Variants in PCMTD1 observed in about 807,000 individuals in gnomAD.
PCMTD1 encodes protein-L-isoaspartate O-methyltransferase domain-containing protein 1.
In PCMTD1, 12 loss-of-function variants were observed where a neutral mutation model predicts 37.6. The ratio of observed to expected loss-of-function variants is 0.32; its 90% CI spans 0.20 to 0.52. The LOEUF (loss-of-function observed/expected upper bound fraction) is 0.52. PCMTD1 is among the 20% of genes least tolerant of loss of function. PCMTD1 has a pLI of 0.97. For synonymous variants in PCMTD1, 117 were observed against 135.8 expected, an observed-to-expected ratio of 0.86 and a Z score of 0.96; for missense variants, 235 against 421.3, an observed-to-expected ratio of 0.56 and a Z score of 3.87.
chr8:51,822,491 C>T (rs2037862901), intron 5 of PCMTD1, among the ~76,000 whole-genome samples: 1 of 152,152 alleles, frequency 6.6e-6, no homozygotes, highest in Non-Finnish European at 1.5e-5. Context: ...TTAAAGTGTA[C>T]TTACTTTGTG....
chr8:51,871,563 T>C (rs866422141), intron 1 of PCMTD1, among the ~76,000 whole-genome samples: 12 of 152,218 alleles, frequency 7.9e-5, no homozygotes, highest in African/African-American at 2.9e-4. Context: ...ATTTGTTACA[T>C]AATTTAGCAA....
chr8:51,898,838 G>A (rs2039051807), intron 1 of PCMTD1, 92 bp downstream of exon 1: 1 of 1,178,354 alleles, frequency 8.5e-7, no homozygotes, highest in Non-Finnish European at 1.1e-6. Flanking sequence ...CTGGCCCTCT[G>A]GCCTCCAAGC....
intron 1 of PCMTD1, among the ~76,000 whole-genome samples, chr8:51,877,613 G>A (rs2038731556): frequency 6.6e-6 from 1 of 152,080 alleles, no homozygotes; most frequent in African/African-American, 2.4e-5. Flanking sequence ...CTAATTACAT[G>A]GGGAGGAAAG....
intron 1 of PCMTD1, among the ~76,000 whole-genome samples, chr8:51,894,099 G>C (rs558154948): frequency 1.3e-5 from 2 of 152,096 alleles, no homozygotes; most frequent in African/African-American, 2.4e-5. Context: ...TGGGAGGTGG[G>C]GGCTCTAGGG....
chr8:51,831,625 C>CT lies in PCMTD1; in HGVS notation c.583-59dup, dbSNP rs2037999766. ...AACTTAATCCCAACAATGTGGTCACCTTACAGTCAAAACTTTGTTTTAAGG... is the reference window on the plus strand; with the variant it reads ...AACTTAATCCCAACAATGTGGTCACCTTTACAGTCAAAACTTTGTTTTAAGG... On this transcript the variant is annotated intron_variant, in intron 4 of 5. Coordinates refer to ENST00000522514, the MANE Select transcript of PCMTD1 (RefSeq NM_052937.4). 2.0e-6 allele frequency: 3 copies of CT among 1,528,600 alleles called. 1 individual carries two copies. The highest frequency in any genetic ancestry group is 2.6e-6 in the Non-Finnish European group (3 of 1,137,612). The allele number at this position is 1,528,600 out of a possible 1,614,324, so 94.7% of individuals were successfully genotyped here.
chr8:51,850,535 T>G lies in PCMTD1; in HGVS notation c.308-4772A>C, dbSNP rs542346078. Among the ~76,000 whole-genome samples, 8 of 152,324 alleles carry G rather than the reference T, an allele frequency of 5.3e-5. No individual in the cohort carries two copies. The East Asian group carries it at 1.5e-3, about 29-fold the overall frequency. ...ACATGCAACTGGGGCTGAGCAGTAC[T>G]AGCCACCCCTCCTAATTATGATAAA... On this transcript the variant is annotated intron_variant, in intron 2 of 5. Transcript: ENST00000522514.
intron 1 of PCMTD1, among the ~76,000 whole-genome samples, chr8:51,863,210 T>C (rs2038500298): frequency 6.6e-6 from 1 of 152,180 alleles, no homozygotes; most frequent in Non-Finnish European, 1.5e-5. Context: ...TACAAAGATA[T>C]TTGGCAAATT....
intron 3 of PCMTD1, chr8:51,844,850 G>A (rs879593859): frequency 1.3e-5 from 2 of 152,192 alleles, no homozygotes; most frequent in Non-Finnish European, 2.9e-5. Context: ...CCAACAAGCC[G>A]AGTTGAAATT....
intron 1 of PCMTD1, among the ~76,000 whole-genome samples, chr8:51,886,498 T>A (rs1273934774): frequency 1.3e-5 from 2 of 152,218 alleles, no homozygotes; most frequent in Admixed American, 6.5e-5. Flanking sequence ...TATGCCATTT[T>A]GATTCATCTG....
chr8:51,890,144 G>T (rs1244033862), intron 1 of PCMTD1, among the ~76,000 whole-genome samples: 2 of 151,878 alleles, frequency 1.3e-5, no homozygotes, highest in Admixed American at 1.3e-4. Flanking sequence ...TATTTATATA[G>T]ATCATTGTAG....
intron 1 of PCMTD1, chr8:51,870,225 G>C (rs1257693043): frequency 1.3e-5 from 2 of 152,148 alleles, no homozygotes; most frequent in Non-Finnish European, 1.5e-5. Flanking sequence ...AGCTCACCCA[G>C]CTCTAGAGGG....
Position 51,899,000 on chromosome 8 carries a change from T to C in PCMTD1, c.-166A>G. The C allele has an allele frequency of 6.6e-7, 1 of 1,511,526 alleles. No homozygotes were observed. Among genetic ancestry groups the C allele is most frequent in the Non-Finnish European group, 8.8e-7 (1 of 1,137,128 alleles). 93.6% of individuals were successfully genotyped at this position (1,511,526 alleles called of 1,614,324 possible). A position where few individuals can be genotyped will look rare whatever the true frequency, so the allele number is the denominator to read the frequency against. On this transcript the variant is annotated 5_prime_UTR_variant, in exon 1 of 6. Transcript: ENST00000522514. Reference sequence around the variant, plus strand: ...GGGGTCCGCAGCAGCCAGACGCCGCTACCACCACAATAACAACACGGACGC... The same window carrying C: ...GGGGTCCGCAGCAGCCAGACGCCGCCACCACCACAATAACAACACGGACGC...
chr8:51,852,890 A>G (rs1300429873), intron 2 of PCMTD1, among the ~76,000 whole-genome samples: 2 of 152,226 alleles, frequency 1.3e-5, no homozygotes, highest in African/African-American at 4.8e-5. Context: ...GAGGGCAGGA[A>G]AAGAATTGTT....
At chr8:51,835,740 TAC>T (rs1009873007) in intron 3 of PCMTD1, among the ~76,000 whole-genome samples, 1 of 152,226 alleles carries the variant, frequency 6.6e-6, no homozygotes, top group Non-Finnish European at 1.5e-5. Flanking sequence ...AAAATATGCT[TAC>T]AGTTTTAAAA....
intron 2 of PCMTD1, among the ~76,000 whole-genome samples, chr8:51,848,610 G>C (rs1319229780): frequency 6.6e-6 from 1 of 152,036 alleles, no homozygotes; most frequent in Non-Finnish European, 1.5e-5. Context: ...TAAAAGCAAA[G>C]TGTCAACTTT....
At chr8:51,876,943 G>A (rs1006749175) in intron 1 of PCMTD1, among the ~76,000 whole-genome samples, 23 of 152,166 alleles carry the variant, frequency 1.5e-4, no homozygotes, top group African/African-American at 5.5e-4. Flanking sequence ...AGGATTATCT[G>A]CGTAATCTCA....
At chr8:51,821,453 A>G (rs886480996) in intron 5 of PCMTD1, among the ~76,000 whole-genome samples, 160 of 152,156 alleles carry the variant, frequency 1.1e-3, no homozygotes, top group African/African-American at 3.8e-3. Context: ...CTACATGTAA[A>G]AATACACAAA....
chr8:51,892,882 G>A (rs1464411712), intron 1 of PCMTD1, among the ~76,000 whole-genome samples: 2 of 152,124 alleles, frequency 1.3e-5, no homozygotes, highest in African/African-American at 2.4e-5. Flanking sequence ...CATTCCAGAG[G>A]TAAGTGACTA....
At chr8:51,850,198 C>T (rs2038284688) in intron 2 of PCMTD1, 1 of 651,948 alleles carries the variant, frequency 1.5e-6, no homozygotes, top group African/African-American at 1.8e-5. Flanking sequence ...CCGGTTCCCA[C>T]TGTATAATAG....
Sources: gnomAD v4.1 joint callset for allele counts (sites outside exome capture counted in the v4.1 genomes callset) on GRCh38, gnomAD v4.1.1 for gene constraint, MANE v1.5 for transcripts, NCBI Gene and HGNC (gene_info 2026-07-23, HGNC 2026-07-21) for gene names.